Variants in BMPR1B observed in about 807,000 individuals in gnomAD.
The protein encoded by BMPR1B is bone morphogenetic protein receptor type-1B.
In BMPR1B, 12 loss-of-function variants were observed where a neutral mutation model predicts 59.1. The observed-to-expected ratio is 0.20, with a 90% CI of 0.13 to 0.33. The LOEUF is 0.33. BMPR1B is among the 10% of genes least tolerant of loss of function. The pLI is 1.00. For missense variants in BMPR1B, 550 were observed against 610.9 expected, an observed-to-expected ratio of 0.90 and a Z score of 1.05; for synonymous variants, 237 against 207.3, an observed-to-expected ratio of 1.14 and a Z score of -1.23.
At chr4:95,096,392 C>T (rs1217294150) in intron 3 of BMPR1B, among the ~76,000 whole-genome samples, 2 of 151,454 alleles carry the variant, frequency 1.3e-5, no homozygotes, top group Non-Finnish European at 1.5e-5. Context: ...CACAATATTG[C>T]ATTCTGATAG....
intron 2 of BMPR1B, among the ~76,000 whole-genome samples, chr4:94,892,004 G>A (rs974915072): frequency 6.6e-6 from 1 of 152,022 alleles, no homozygotes; most frequent in Non-Finnish European, 1.5e-5. Flanking sequence ...ATAAAGCACT[G>A]TCTTGGGGCT....
At chr4:94,801,770 A>T (rs1296555879) in intron 1 of BMPR1B, among the ~76,000 whole-genome samples, 3 of 152,212 alleles carry the variant, frequency 2.0e-5, no homozygotes, top group East Asian at 1.9e-4. Flanking sequence ...AGTAAGACAA[A>T]CATGGGCTTA....
At chr4:94,803,857 GA>G (rs1212129274) in intron 1 of BMPR1B, among the ~76,000 whole-genome samples, 8 of 133,450 alleles carry the variant, frequency 6.0e-5, no homozygotes, top group Non-Finnish European at 1.1e-4. Context: ...AAAGTAAAAA[GA>G]AAAAAAACAC....
At chr4:94,878,879 A>G (rs1310814280) in intron 2 of BMPR1B, among the ~76,000 whole-genome samples, 1 of 152,044 alleles carries the variant, frequency 6.6e-6, no homozygotes, top group Non-Finnish European at 1.5e-5. Context: ...TGTAATTAAG[A>G]TGATCAGCTC....
At chr4:95,126,911 A>G (rs1732945739) in intron 8 of BMPR1B, among the ~76,000 whole-genome samples, 1 of 152,152 alleles carries the variant, frequency 6.6e-6, no homozygotes, top group African/African-American at 2.4e-5. Context: ...ATATAACCAC[A>G]TACTTGGACC....
intron 2 of BMPR1B, among the ~76,000 whole-genome samples, chr4:94,988,259 C>G (rs1721534583): frequency 6.6e-6 from 1 of 152,052 alleles, no homozygotes; most frequent in African/African-American, 2.4e-5. Context: ...GATAATACAG[C>G]TGGAAACCCA....
intron 2 of BMPR1B, among the ~76,000 whole-genome samples, chr4:94,920,847 A>G (rs1334835446): frequency 6.6e-6 from 1 of 152,196 alleles, no homozygotes; most frequent in African/African-American, 2.4e-5. Flanking sequence ...TTGTTTTCCA[A>G]GTGGCTAAAA....
At chr4:94,795,609 G>T (rs180907865) in intron 1 of BMPR1B, among the ~76,000 whole-genome samples, 1 of 151,616 alleles carries the variant, frequency 6.6e-6, no homozygotes, top group East Asian at 2.0e-4. Context: ...GATTATAGGT[G>T]TGTACCACCA....
At chr4:94,821,375 G>A (rs891001725) in intron 1 of BMPR1B, among the ~76,000 whole-genome samples, 1 of 152,010 alleles carries the variant, frequency 6.6e-6, no homozygotes, top group African/African-American at 2.4e-5. Flanking sequence ...TATTAGCGAA[G>A]TTTTCTCAGA....
chr4:94,811,183 C>G (rs1479333218), intron 1 of BMPR1B, among the ~76,000 whole-genome samples: 1 of 152,168 alleles, frequency 6.6e-6, no homozygotes, highest in Non-Finnish European at 1.5e-5. Flanking sequence ...TTCTCATTGA[C>G]ATAAAGTCCA....
intron 1 of BMPR1B, among the ~76,000 whole-genome samples, chr4:94,758,409 C>T (rs1210627032): frequency 6.6e-6 from 1 of 151,912 alleles, no homozygotes; most frequent in East Asian, 1.9e-4. Flanking sequence ...GGGCGGGACA[C>T]GTGCTTCGGG....
chr4:95,086,823 T>C (rs533203373), intron 3 of BMPR1B, among the ~76,000 whole-genome samples: 102 of 152,272 alleles, frequency 6.7e-4, no homozygotes, highest in African/African-American at 2.0e-3. Context: ...AACACACACC[T>C]GTGTGTTCTC....
At chr4:94,889,947 ACCC>A (rs1727324146) in intron 2 of BMPR1B, among the ~76,000 whole-genome samples, 1 of 151,614 alleles carries the variant, frequency 6.6e-6, no homozygotes, top group African/African-American at 2.4e-5. Flanking sequence ...TATTTTTCTG[ACCC>A]CTCCTCTACC....
At chr4:95,130,645 A>G (rs1579129508) in intron 9 of BMPR1B, among the ~76,000 whole-genome samples, 1 of 151,442 alleles carries the variant, frequency 6.6e-6, no homozygotes, top group African/African-American at 2.4e-5. Context: ...ACTACTGATT[A>G]GGAAGGGACC....
In BMPR1B at chr4:94,788,668, A is replaced by G. The variant is rs578246422; in HGVS notation, c.-183+30600A>G. Among the ~76,000 whole-genome samples the G allele has an allele frequency of 1.4e-4, 22 of 152,288 alleles. 1 individual carries two copies. In the South Asian group the frequency reaches 3.9e-3, roughly 27 times the overall value. ...CTCTTTCTAGGCAAGTGCAAGTGCA[A>G]TTCTTCACAACCATGAAGAACTGGA... On this transcript the variant is annotated intron_variant, in intron 1 of 12. Transcript: ENST00000515059.
intron 2 of BMPR1B, among the ~76,000 whole-genome samples, chr4:94,913,851 T>A (rs968670506): frequency 3.3e-5 from 5 of 152,190 alleles, no homozygotes; most frequent in African/African-American, 1.2e-4. Context: ...GTGTGGCTAT[T>A]GAGCTTTTGA....
intron 10 of BMPR1B, among the ~76,000 whole-genome samples, chr4:95,143,345 CAG>C (rs1368208643): frequency 6.6e-6 from 1 of 152,206 alleles, no homozygotes; most frequent in African/African-American, 2.4e-5. Context: ...TGTCTCCTGG[CAG>C]AGTGAGTGGC....
At position 94,843,478 on chromosome 4, in the gene BMPR1B, A is replaced by G. The variant is rs748829278; in HGVS notation, c.-182-32353A>G. 5.9e-5 allele frequency among the ~76,000 whole-genome samples: 9 copies of G among 152,162 alleles called. No individual in the cohort carries two copies. In the South Asian group the frequency reaches 1.5e-3, roughly 25 times the overall value. On this transcript the variant is annotated intron_variant, in intron 1 of 12. Transcript: ENST00000515059. ...TGTCTTGGTTCCTTTCAGGTGTCTAACTTCAGATGAATGGTAATGGTTCCA... is the reference window on the plus strand; with the variant it reads ...TGTCTTGGTTCCTTTCAGGTGTCTAGCTTCAGATGAATGGTAATGGTTCCA...
At chr4:94,777,515 A>G (rs1391541609) in intron 1 of BMPR1B, among the ~76,000 whole-genome samples, 2 of 152,230 alleles carry the variant, frequency 1.3e-5, no homozygotes, top group Admixed American at 6.5e-5. Context: ...TAATAACTAT[A>G]GGAATGATTT....
Sources: gnomAD v4.1 joint callset for allele counts (sites outside exome capture counted in the v4.1 genomes callset) on GRCh38, gnomAD v4.1.1 for gene constraint, MANE v1.5 for transcripts, NCBI Gene and HGNC (gene_info 2026-07-23, HGNC 2026-07-21) for gene names.